The following MYO9A variants were observed in gnomAD, a reference collection of about 807,000 sequenced individuals.
MYO9A encodes myosin IXA.
Under a neutral mutation model 293.3 loss-of-function variants are expected in MYO9A, and 103 were observed. That is an observed-to-expected ratio of 0.35 (90% CI 0.30 to 0.41). The LOEUF (loss-of-function observed/expected upper bound fraction) is 0.41, where lower values mean the gene tolerates loss of function less well. Ranked by LOEUF, MYO9A falls within the 10% of genes least tolerant of loss-of-function variation. The pLI, the probability that MYO9A is intolerant of heterozygous loss-of-function variation, is 1.00. For synonymous variants in MYO9A, 1,001 were observed against 1,035.7 expected (o/e 0.97, Z 0.64); for missense variants, 2,685 against 3,033.0 (o/e 0.89, Z 2.69).
At chr15:71,945,549 T>G (rs943803905) in intron 15 of MYO9A, among the ~76,000 whole-genome samples, 3 of 152,188 alleles carry the variant, frequency 2.0e-5, no homozygotes, top group Admixed American at 6.5e-5. Flanking sequence ...TAAATCATTT[T>G]CTTAGTGCTC....
At chr15:72,075,961 T>C (rs1430828763) in intron 1 of MYO9A, among the ~76,000 whole-genome samples, 1 of 151,986 alleles carries the variant, frequency 6.6e-6, no homozygotes. Context: ...GCAAGTGCCA[T>C]AAAGCAATAA....
intron 32 of MYO9A, among the ~76,000 whole-genome samples, chr15:71,870,975 T>G (rs1567215557): frequency 6.6e-6 from 1 of 152,138 alleles, no homozygotes; most frequent in Non-Finnish European, 1.5e-5. Flanking sequence ...TGATACACTA[T>G]TAAAGAAAAA....
At chr15:71,964,615 A>C (rs1350762464) in intron 13 of MYO9A, among the ~76,000 whole-genome samples, 7 of 30,252 alleles carry the variant, frequency 2.3e-4, no homozygotes, top group African/African-American at 9.0e-4. Context: ...CCCCATCTCT[A>C]CTAAAAAAAA....
At chr15:71,933,645 CA>C (rs747290995) in intron 18 of MYO9A, 24 bp downstream of exon 18, 3 of 1,582,976 alleles carry the variant, frequency 1.9e-6, no homozygotes, top group Non-Finnish European at 2.6e-6. Flanking sequence ...AATACCAATA[CA>C]AAAAAAGTTT....
rs1393785846 is a variant in MYO9A at position 71,920,706 on chromosome 15, G to A, written c.2563-4214C>T. On this transcript the variant is annotated intron_variant, in intron 18 of 41. Transcript: ENST00000356056. The stretch of plus-strand genomic sequence containing the variant: ...CTCACACCTGTAATCCCAGCACTTC[G>A]GAAGGCTGAGGTGAGCAGATCACTT... 3.9e-5 allele frequency among the ~76,000 whole-genome samples: 6 copies of A among 152,182 alleles called. 1 individual carries two copies. The highest frequency in any genetic ancestry group is 2.1e-4 in the South Asian group (1 of 4,822).
intron 14 of MYO9A, 131 bp from the exon 15 acceptor site, chr15:71,952,027 T>C: frequency 1.1e-6 from 1 of 951,918 alleles, no homozygotes; most frequent in East Asian, 2.8e-5. Context: ...TATCAAATAA[T>C]AGAGGTTATA....
intron 14 of MYO9A, chr15:71,953,783 T>C (rs944967609): frequency 5.9e-5 from 9 of 152,362 alleles, no homozygotes; most frequent in East Asian, 1.9e-4. Flanking sequence ...GTTTGTTTTA[T>C]GTACCAAACC....
chr15:72,046,091 T>C lies in MYO9A; in HGVS notation c.473A>G (p.Asn158Ser), dbSNP rs999611664. The C allele has an allele frequency of 1.2e-6, 2 of 1,613,826 alleles. No homozygotes were observed. The highest frequency in any genetic ancestry group is 2.2e-5 in the South Asian group (2 of 91,034). ...TAGGTTTTCTAAGAGAGTTTTCTCATTCAAATCAGGTAAACTACATAAATC... is the reference window on the plus strand; with the variant it reads ...TAGGTTTTCTAAGAGAGTTTTCTCACTCAAATCAGGTAAACTACATAAATC... ...FDDLCSLPDL[N>S]EKTLLENLRN... The change falls in exon 2 of 42, where the codon AAT (asparagine) becomes AGT (serine). Residue 158 changes from asparagine to serine, a missense_variant. By Grantham distance (46) the Asn-to-Ser change is conservative (BLOSUM62 1). Around this residue, in one of 10 missense-constraint regions of MYO9A, gnomAD observed 289 missense variants for 456.8 expected, o/e 0.63. Transcript: ENST00000356056.
At chr15:71,922,601 T>C (rs202085489) in intron 18 of MYO9A, among the ~76,000 whole-genome samples, 2 of 12 alleles carry the variant, frequency 0.17, no homozygotes, top group Non-Finnish European at 0.2. Context: ...TCCCTTTCCC[T>C]TTCCCACCCT....
chr15:71,905,662 C>T (rs986829059), intron 19 of MYO9A, among the ~76,000 whole-genome samples: 1 of 145,540 alleles, frequency 6.9e-6, no homozygotes, highest in East Asian at 2.0e-4. Context: ...TGGTGCCCGG[C>T]TGAGGCATGA....
intron 1 of MYO9A, among the ~76,000 whole-genome samples, chr15:72,057,110 G>GA (rs1365846506): frequency 0.012 from 1,665 of 138,092 alleles, 10 homozygotes; most frequent in Non-Finnish European, 0.018. Context: ...TCTGTCTCAG[G>GA]AAAAAAAAAA....
intron 1 of MYO9A, among the ~76,000 whole-genome samples, chr15:72,099,019 G>A (rs972241709): frequency 1.3e-5 from 2 of 151,932 alleles, no homozygotes; most frequent in Admixed American, 1.3e-4. Flanking sequence ...AAAGAGGCCA[G>A]ACACAGTAGC....
intron 6 of MYO9A, among the ~76,000 whole-genome samples, chr15:72,015,416 CT>C (rs1282637907): frequency 1.3e-5 from 2 of 152,146 alleles, no homozygotes; most frequent in Non-Finnish European, 2.9e-5. Flanking sequence ...GGAGGTCTAC[CT>C]CATAGGAAAC....
intron 39 of MYO9A, among the ~76,000 whole-genome samples, chr15:71,833,214 A>AT (rs35335956): frequency 1.4e-5 from 2 of 138,532 alleles, no homozygotes; most frequent in Non-Finnish European, 3.3e-5. Flanking sequence ...TGGGCCATAT[A>AT]AAAAAAAAGA....
At position 72,093,881 on chromosome 15, in the gene MYO9A, C is replaced by T. The variant is rs1473476326; in HGVS notation, c.-72+23799G>A. Among the ~76,000 whole-genome samples the T allele has an allele frequency of 4.2e-5, 2 of 48,054 alleles. 1 individual carries two copies. The highest frequency in any genetic ancestry group is 1.6e-4 in the Non-Finnish European group (2 of 12,410). The allele number at this position is 48,054 out of a possible 152,430, so 31.5% of individuals were successfully genotyped here. ...CAGCCTGGGCAACAGAGTGAGACTC[C>T]ATCTCAAAAAAATTAAATAAAAAAA... is the stretch of plus-strand genomic sequence containing the variant. On this transcript the variant is annotated intron_variant, in intron 1 of 41. Coordinates refer to ENST00000356056, the MANE Select transcript of MYO9A (RefSeq NM_006901.4).
intron 2 of MYO9A, among the ~76,000 whole-genome samples, chr15:72,040,436 C>G (rs1352803217): frequency 2.6e-5 from 4 of 152,124 alleles, no homozygotes; most frequent in African/African-American, 9.7e-5. Context: ...TCTCCTGTTT[C>G]TGTGTGAAGA....
chr15:71,991,533 A>G (rs2076542098), intron 10 of MYO9A, among the ~76,000 whole-genome samples: 1 of 152,234 alleles, frequency 6.6e-6, no homozygotes, highest in Non-Finnish European at 1.5e-5. Flanking sequence ...AATCCCTAAC[A>G]TCTTAAAGGG....
At chr15:71,953,873 TTTTTGTTTTGTTTTG>T (rs141349966) in intron 14 of MYO9A, among the ~76,000 whole-genome samples, 8 of 147,544 alleles carry the variant, frequency 5.4e-5, no homozygotes, top group Middle Eastern at 3.4e-3. Context: ...ATCAACTGTT[TTTTTGTTTTGTTTTG>T]TTTTGTTTTG....
At chr15:71,867,798 T>TCACACACACA (rs57300333) in intron 32 of MYO9A, among the ~76,000 whole-genome samples, 67 of 127,630 alleles carry the variant, frequency 5.2e-4, no homozygotes, top group African/African-American at 1.1e-3. Context: ...TGGGAATCCA[T>TCACACACACA]CACACACACA....
Sources: gnomAD v4.1 joint callset for allele counts (sites outside exome capture counted in the v4.1 genomes callset) on GRCh38, gnomAD v4.1.1 for gene constraint, gnomAD v4.1.1 regional missense constraint, MANE v1.5 for transcripts, NCBI Gene and HGNC (gene_info 2026-07-23, HGNC 2026-07-21) for gene names.